TANC2: variants seen among roughly 807,000 people sequenced by gnomAD.
The protein encoded by TANC2 is protein TANC2.
A neutral mutation model predicts 210.5 loss-of-function variants in TANC2; 26 were observed. The observed-to-expected ratio is 0.12, with a 90% CI of 0.09 to 0.17. The LOEUF (loss-of-function observed/expected upper bound fraction) is 0.17. Among genes scored for constraint, TANC2 ranks in the 10% least tolerant of loss-of-function variants. The probability of loss-of-function intolerance (pLI) is 1.00; values close to 1 mark genes in which losing one functional copy is unlikely to be tolerated. For missense variants in TANC2, 2,129 were observed against 2,608.9 expected (o/e 0.82, Z 4.01); for synonymous variants, 931 against 967.1 (o/e 0.96, Z 0.69).
At chr17:63,007,223 T>C (rs1265068642) in intron 1 of TANC2, among the ~76,000 whole-genome samples, 2 of 152,172 alleles carry the variant, frequency 1.3e-5, no homozygotes, top group Non-Finnish European at 2.9e-5. Flanking sequence ...CATGAGACCC[T>C]GTCTCAATAT....
At chr17:63,000,300 G>A (rs2033315141) in intron 1 of TANC2, among the ~76,000 whole-genome samples, 1 of 152,118 alleles carries the variant, frequency 6.6e-6, no homozygotes, top group African/African-American at 2.4e-5. Context: ...TAGTACAGAA[G>A]TACTTAATAG....
intron 2 of TANC2, among the ~76,000 whole-genome samples, chr17:63,043,043 G>C (rs1323572330): frequency 1.3e-5 from 2 of 152,020 alleles, no homozygotes; most frequent in Non-Finnish European, 2.9e-5. Context: ...ACTTTTCTTT[G>C]TATAACCATA....
chr17:63,337,810 C>G (rs1187963916), intron 11 of TANC2, among the ~76,000 whole-genome samples: 1 of 152,156 alleles, frequency 6.6e-6, no homozygotes, highest in African/African-American at 2.4e-5. Context: ...TGTTGTTTCC[C>G]TCTACATGCC....
intron 9 of TANC2, among the ~76,000 whole-genome samples, chr17:63,301,574 T>C (rs1162839167): frequency 6.6e-6 from 1 of 152,252 alleles, no homozygotes; most frequent in Non-Finnish European, 1.5e-5. Flanking sequence ...ATAGAGGTGT[T>C]TATACTATTC....
chr17:63,077,306 A>G (rs963616150), intron 3 of TANC2, among the ~76,000 whole-genome samples: 2 of 152,236 alleles, frequency 1.3e-5, no homozygotes, highest in African/African-American at 4.8e-5. Context: ...TTAGATGTAT[A>G]CATTTTCAAA....
At chr17:63,006,706 T>C (rs966073082) in intron 1 of TANC2, among the ~76,000 whole-genome samples, 1 of 152,172 alleles carries the variant, frequency 6.6e-6, no homozygotes, top group African/African-American at 2.4e-5. Context: ...TTATAGTTTG[T>C]TTTTATTTGG....
intron 7 of TANC2, among the ~76,000 whole-genome samples, chr17:63,202,150 T>C (rs2041555391): frequency 6.6e-6 from 1 of 152,124 alleles, no homozygotes; most frequent in African/African-American, 2.4e-5. Context: ...GATTCAGACA[T>C]TGAACATTAT....
intron 5 of TANC2, among the ~76,000 whole-genome samples, chr17:63,166,326 A>C (rs2040209213): frequency 6.6e-6 from 1 of 151,960 alleles, no homozygotes; most frequent in African/African-American, 2.4e-5. Flanking sequence ...AGAGAGAGAG[A>C]GAGATAGAGA....
At chr17:63,388,838 T>C in intron 16 of TANC2, 81 bp downstream of exon 16, 1 of 1,083,292 alleles carries the variant, frequency 9.2e-7, no homozygotes, top group Non-Finnish European at 1.3e-6. Flanking sequence ...AGTAGCTATT[T>C]AGTTGATCTT....
rs768043643 is a variant in TANC2 at position 63,072,840 on chromosome 17, G to A, written c.68-1103G>A. On this transcript the variant is annotated intron_variant, in intron 2 of 27. Transcript: ENST00000689528. ...ATGAATTGGATTTAATTATTGCTAG[G>A]CCTTACATATAATAAATATACTTAA... 3.9e-5 allele frequency among the ~76,000 whole-genome samples: 6 copies of A among 151,972 alleles called. No individual in the cohort carries two copies. The East Asian group carries it at 7.7e-4, about 20-fold the overall frequency.
intron 6 of TANC2, among the ~76,000 whole-genome samples, chr17:63,195,803 TTAAAA>T (rs1199868352): frequency 6.6e-6 from 1 of 152,150 alleles, no homozygotes; most frequent in African/African-American, 2.4e-5. Flanking sequence ...CCCATCATAC[TTAAAA>T]TAAAATCTAA....
chr17:63,109,984 C>T (rs67889218), intron 4 of TANC2, among the ~76,000 whole-genome samples: 1,625 of 151,814 alleles, frequency 0.011, 22 homozygotes, highest in Non-Finnish European at 0.019. Context: ...TTATTTACAG[C>T]CTGTCTGATA....
chr17:63,223,651 C>T (rs2042253061), intron 7 of TANC2, among the ~76,000 whole-genome samples: 1 of 151,812 alleles, frequency 6.6e-6, no homozygotes, highest in South Asian at 2.1e-4. Flanking sequence ...GCAAGGAGTT[C>T]CTGAAACCAT....
At chr17:63,063,562 GT>G (rs2036078043) in intron 2 of TANC2, among the ~76,000 whole-genome samples, 1 of 111,284 alleles carries the variant, frequency 9.0e-6, no homozygotes, top group South Asian at 2.7e-4. Flanking sequence ...GTGTGTGTGT[GT>G]GTGTGTGTGT....
chr17:63,366,835 T>C (rs1370096270), intron 14 of TANC2, among the ~76,000 whole-genome samples: 1 of 152,052 alleles, frequency 6.6e-6, no homozygotes, highest in Non-Finnish European at 1.5e-5. Context: ...CATGAAAAAA[T>C]ATGCCGAAGC....
chr17:63,164,581 A>G (rs903447186), intron 5 of TANC2, among the ~76,000 whole-genome samples: 4 of 152,134 alleles, frequency 2.6e-5, no homozygotes, highest in African/African-American at 9.7e-5. Flanking sequence ...GTCTCAGGCA[A>G]TTATGAAGGC....
At chr17:63,214,903 T>C (rs1414544564) in intron 7 of TANC2, among the ~76,000 whole-genome samples, 1 of 152,182 alleles carries the variant, frequency 6.6e-6, no homozygotes, top group Admixed American at 6.5e-5. Flanking sequence ...AATTCTTTCC[T>C]GAGAGGGTAG....
chr17:63,096,832 A>G (rs1417156016), intron 3 of TANC2, among the ~76,000 whole-genome samples: 2 of 152,154 alleles, frequency 1.3e-5, no homozygotes, highest in Non-Finnish European at 2.9e-5. Flanking sequence ...ACCGTCTTAC[A>G]TTTCCACCAG....
intron 9 of TANC2, among the ~76,000 whole-genome samples, chr17:63,307,464 C>T (rs185636296): frequency 2.6e-5 from 4 of 152,294 alleles, no homozygotes; most frequent in South Asian, 4.1e-4. Context: ...TATCAGCTAA[C>T]TTGTCTAAGA....
Sources: allele counts gnomAD v4.1 joint callset (sites outside exome capture counted in the v4.1 genomes callset), GRCh38; gene constraint gnomAD v4.1.1; transcripts MANE v1.5; gene names NCBI Gene and HGNC (gene_info 2026-07-23, HGNC 2026-07-21).